Variants in MED27 observed in about 807,000 individuals in gnomAD.
MED27 encodes the protein mediator of RNA polymerase II transcription subunit 27.
MED27 carries 30 observed loss-of-function variants against 38.2 expected under a neutral mutation model. The ratio of observed to expected loss-of-function variants is 0.79; its 90% CI spans 0.59 to 1.07. The LOEUF (loss-of-function observed/expected upper bound fraction) is 1.07. Among genes scored for constraint, MED27 ranks in the 50% least tolerant of loss-of-function variants. The pLI, the probability that MED27 is intolerant of heterozygous loss-of-function variation, is 0.00. For missense variants in MED27, 289 were observed against 397.5 expected (o/e 0.73, Z 2.32); for synonymous variants, 122 against 153.5 (o/e 0.79, Z 1.52).
intron 2 of MED27, among the ~76,000 whole-genome samples, chr9:132,062,048 C>T (rs1833708515): frequency 6.6e-6 from 1 of 152,224 alleles, no homozygotes; most frequent in African/African-American, 2.4e-5. Flanking sequence ...TCATCTCCCA[C>T]CAACCTGCAG....
chr9:131,961,224 G>A (rs771959256), intron 3 of MED27, among the ~76,000 whole-genome samples: 3 of 152,192 alleles, frequency 2.0e-5, no homozygotes, highest in Non-Finnish European at 4.4e-5. Context: ...TCACATGCCC[G>A]TAAAAATGGC....
At chr9:131,901,771 C>G (rs1355210324) in intron 4 of MED27, among the ~76,000 whole-genome samples, 18 of 152,154 alleles carry the variant, frequency 1.2e-4, no homozygotes, top group African/African-American at 4.1e-4. Flanking sequence ...CCATATCATG[C>G]AGATTTACCC....
chr9:131,909,295 G>C (rs1239097097), intron 4 of MED27, among the ~76,000 whole-genome samples: 1 of 152,216 alleles, frequency 6.6e-6, no homozygotes, highest in Non-Finnish European at 1.5e-5. Context: ...GCACAGCTGA[G>C]GGCTGAGCTA....
chr9:132,039,401 G>C (rs553578366), intron 2 of MED27, among the ~76,000 whole-genome samples: 1 of 152,286 alleles, frequency 6.6e-6, no homozygotes, highest in Admixed American at 6.5e-5. Context: ...CCAGGCTCTT[G>C]TGGGGACTAG....
At chr9:131,869,044 C>T (rs1043587389) in intron 6 of MED27, 1 of 985,344 alleles carries the variant, frequency 1.0e-6, no homozygotes, top group African/African-American at 1.7e-5. Context: ...TTCAAAAAGT[C>T]CAGTATAAAG....
At chr9:131,911,726 G>C (rs1330101568) in intron 4 of MED27, among the ~76,000 whole-genome samples, 2 of 152,222 alleles carry the variant, frequency 1.3e-5, no homozygotes, top group East Asian at 1.9e-4. Flanking sequence ...TTTTAGCAAA[G>C]ATGCAGAGTA....
intron 3 of MED27, among the ~76,000 whole-genome samples, chr9:132,004,056 GC>G (rs1183365549): frequency 2.6e-5 from 4 of 151,806 alleles, no homozygotes; most frequent in Non-Finnish European, 5.9e-5. Flanking sequence ...CTAGCTTTCT[GC>G]CACAGGCCAG....
intron 6 of MED27, among the ~76,000 whole-genome samples, chr9:131,878,651 C>A (rs1022666383): frequency 6.6e-6 from 1 of 152,146 alleles, no homozygotes; most frequent in Non-Finnish European, 1.5e-5. Flanking sequence ...GAGTAGCTGT[C>A]GGTCTGCTCT....
intron 3 of MED27, among the ~76,000 whole-genome samples, chr9:131,989,879 G>A (rs1000335293): frequency 2.6e-5 from 4 of 152,104 alleles, no homozygotes; most frequent in Non-Finnish European, 5.9e-5. Flanking sequence ...CTGCCGTTAG[G>A]AAGCAATGTA....
chr9:132,010,636 T>A (rs1052309498), intron 3 of MED27, among the ~76,000 whole-genome samples: 1 of 152,204 alleles, frequency 6.6e-6, no homozygotes, highest in East Asian at 1.9e-4. Flanking sequence ...CCAACCTAAA[T>A]GTCCATCAAT....
chr9:131,910,665 G>T (rs1830171729), intron 4 of MED27, among the ~76,000 whole-genome samples: 1 of 152,172 alleles, frequency 6.6e-6, no homozygotes, highest in African/African-American at 2.4e-5. Context: ...GGGCTGAAAA[G>T]AAAGCTTCCA....
chr9:131,953,333 T>G (rs1409803056), intron 3 of MED27, among the ~76,000 whole-genome samples: 1 of 152,254 alleles, frequency 6.6e-6, no homozygotes, highest in Non-Finnish European at 1.5e-5. Context: ...CTGCAAAGTT[T>G]GCTTTTTCCT....
chr9:132,071,243 G>A (rs1164270516), intron 2 of MED27, among the ~76,000 whole-genome samples: 1 of 152,172 alleles, frequency 6.6e-6, no homozygotes, highest in East Asian at 1.9e-4. Context: ...GTGAGCCAGA[G>A]TGGTCAGGCT....
chr9:132,027,310 C>T (rs1315745383), intron 2 of MED27, among the ~76,000 whole-genome samples: 1 of 152,180 alleles, frequency 6.6e-6, no homozygotes, highest in African/African-American at 2.4e-5. Flanking sequence ...TCTTAGAGAC[C>T]AGAATGCAGC....
rs1302721602 is a variant in MED27 at position 131,997,181 on chromosome 9, G to C, written c.479+17156C>G. On this transcript the variant is annotated intron_variant, in intron 3 of 7. Coordinates refer to ENST00000292035, the MANE Select transcript of MED27 (RefSeq NM_004269.4). The surrounding 1 kb of genome is among the most constrained non-coding windows in gnomAD (Gnocchi z 4.0). ...AGGTTGTACAAATCTGCCGCTTCCG[G>C]AGAATAAAGAATTAACTTCCAGCAT... 1.3e-5 allele frequency among the ~76,000 whole-genome samples: 2 copies of C among 151,906 alleles called. No homozygotes were observed. Among genetic ancestry groups the C allele is most frequent in the African/African-American group, 4.8e-5 (2 of 41,324 alleles).
At position 131,917,956 on chromosome 9, in the gene MED27, C is replaced by A. The variant is rs1830323360; in HGVS notation, c.573+21425G>T. ...TTTCTAAATTTTAAAAACAGTTTCA[C>A]CCTGTCTCAAAAAGGCAAGTGCCAC... On this transcript the variant is annotated intron_variant, in intron 4 of 7. Transcript: ENST00000292035. The surrounding 1 kb of genome is among the most constrained non-coding windows in gnomAD (Gnocchi z 4.6). Among the ~76,000 whole-genome samples the A allele has an allele frequency of 6.6e-6, 1 of 152,214 alleles. No homozygotes were observed. Among genetic ancestry groups the A allele is most frequent in the African/African-American group, 2.4e-5 (1 of 41,450 alleles).
At chr9:132,057,888 G>T (rs1833613654) in intron 2 of MED27, among the ~76,000 whole-genome samples, 1 of 152,190 alleles carries the variant, frequency 6.6e-6, no homozygotes, top group African/African-American at 2.4e-5. Context: ...AACAATCCCA[G>T]TTACTTGGGA....
At chr9:132,046,663 T>C (rs1178261226) in intron 2 of MED27, among the ~76,000 whole-genome samples, 2 of 152,178 alleles carry the variant, frequency 1.3e-5, no homozygotes, top group Admixed American at 6.5e-5. Flanking sequence ...GTGATGACAC[T>C]GGCATTAGCA....
chr9:131,986,257 T>C (rs1454837006), intron 3 of MED27, among the ~76,000 whole-genome samples: 1 of 152,208 alleles, frequency 6.6e-6, no homozygotes, highest in Non-Finnish European at 1.5e-5. Context: ...TCACTCACCA[T>C]GGCTCACTGA....
Sources: gnomAD v4.1 joint callset for allele counts (sites outside exome capture counted in the v4.1 genomes callset) on GRCh38, gnomAD v4.1.1 for gene constraint, Gnocchi (gnomAD v3.1) non-coding constraint, MANE v1.5 for transcripts, NCBI Gene and HGNC (gene_info 2026-07-23, HGNC 2026-07-21) for gene names.